FBXL2: variants seen among roughly 807,000 people sequenced by gnomAD.
The protein encoded by FBXL2 is F-box/LRR-repeat protein 2.
In FBXL2, 38 loss-of-function variants were observed where a neutral mutation model predicts 69.2. The ratio of observed to expected loss-of-function variants is 0.55; its 90% CI spans 0.42 to 0.72. The LOEUF is 0.72. Among genes scored for constraint, FBXL2 ranks in the 30% least tolerant of loss-of-function variants. The pLI is 0.00. For synonymous variants in FBXL2, 192 were observed against 201.3 expected (o/e 0.95, Z 0.39); for missense variants, 354 against 520.3 (o/e 0.68, Z 3.11).
At chr3:33,323,371 T>C (rs2038395583) in intron 2 of FBXL2, among the ~76,000 whole-genome samples, 1 of 152,194 alleles carries the variant, frequency 6.6e-6, no homozygotes, top group Non-Finnish European at 1.5e-5. Flanking sequence ...GCAGGTTTGT[T>C]ACATAGGTAT....
intron 2 of FBXL2, among the ~76,000 whole-genome samples, chr3:33,338,084 CT>C (rs906585963): frequency 7.2e-5 from 11 of 151,892 alleles, no homozygotes; most frequent in African/African-American, 2.2e-4. Context: ...ATGCTAATGC[CT>C]TTTTTTTCAC....
intron 12 of FBXL2, among the ~76,000 whole-genome samples, chr3:33,399,450 C>A (rs1450557867): frequency 2.6e-5 from 4 of 152,080 alleles, no homozygotes; most frequent in Non-Finnish European, 4.4e-5. Context: ...TAATTGAGTA[C>A]ACTCAGACTA....
At position 33,341,882 on chromosome 3, in the gene FBXL2, G is replaced by T. The variant is rs568164090; in HGVS notation, c.66-17085G>T. ...GACAGGTGAAGGCTCTGGGGCTCTG[G>T]GGTTGCTGACAAAGTTCTATTTCTT... On this transcript the variant is annotated intron_variant, in intron 2 of 14. Transcript: ENST00000484457. Among the ~76,000 whole-genome samples the T allele has an allele frequency of 2.6e-5, 4 of 151,232 alleles. No individual in the cohort carries two copies. In the South Asian group the frequency reaches 8.4e-4, roughly 32 times the overall value.
chr3:33,415,623 A>G, the FBXL2 span, among the ~76,000 whole-genome samples: 2 of 152,166 alleles, frequency 1.3e-5, no homozygotes, highest in Non-Finnish European at 2.9e-5. Context: ...TAAAAAGTTA[A>G]AAAAATTGTT....
chr3:33,338,103 G>GA (rs1264647605), intron 2 of FBXL2, among the ~76,000 whole-genome samples: 1 of 151,832 alleles, frequency 6.6e-6, no homozygotes, highest in Non-Finnish European at 1.5e-5. Flanking sequence ...CACAGAATTA[G>GA]AAAAAAATAT....
At chr3:33,320,381 CA>C (rs982439302) in intron 2 of FBXL2, among the ~76,000 whole-genome samples, 22 of 148,760 alleles carry the variant, frequency 1.5e-4, no homozygotes, top group Admixed American at 9.3e-4. Flanking sequence ...CTCACACATA[CA>C]AAAAAAATCA....
the FBXL2 span, among the ~76,000 whole-genome samples, chr3:33,420,859 A>G: frequency 1.1e-4 from 17 of 152,246 alleles, no homozygotes; most frequent in South Asian, 3.5e-3. Flanking sequence ...CCAACCTCAG[A>G]TGATCCACCC....
At chr3:33,297,984 A>T (rs1306317697) in intron 2 of FBXL2, 1 of 469,790 alleles carries the variant, frequency 2.1e-6, no homozygotes, top group Non-Finnish European at 3.9e-6. Flanking sequence ...AATAATCTTC[A>T]GTAGGTGCCA....
intron 12 of FBXL2, among the ~76,000 whole-genome samples, chr3:33,401,867 T>G (rs2044241004): frequency 6.6e-6 from 1 of 152,202 alleles, no homozygotes; most frequent in South Asian, 2.1e-4. Flanking sequence ...ACTAGGAAAC[T>G]ATTCTAAGCC....
chr3:33,348,656 T>C (rs1476902768), intron 2 of FBXL2, among the ~76,000 whole-genome samples: 1 of 152,144 alleles, frequency 6.6e-6, no homozygotes, highest in Non-Finnish European at 1.5e-5. Context: ...GACAGAAGTT[T>C]CAGTGAACTG....
At chr3:33,413,184 T>C in the FBXL2 span, among the ~76,000 whole-genome samples, 5 of 152,228 alleles carry the variant, frequency 3.3e-5, no homozygotes, top group African/African-American at 9.6e-5. Flanking sequence ...TTATTAAAAA[T>C]GAAAAGATGG....
chr3:33,332,290 T>C (rs531761381), intron 2 of FBXL2, among the ~76,000 whole-genome samples: 1 of 152,360 alleles, frequency 6.6e-6, no homozygotes, highest in South Asian at 2.1e-4. Flanking sequence ...TAGAATTCTT[T>C]ACTTTGCTAA....
intron 1 of FBXL2, among the ~76,000 whole-genome samples, chr3:33,282,055 A>G (rs1051283912): frequency 1.3e-5 from 2 of 151,962 alleles, no homozygotes; most frequent in Non-Finnish European, 2.9e-5. Flanking sequence ...GTTTAATTAG[A>G]TCCCATTTGT....
the FBXL2 span, chr3:33,409,516 T>C: frequency 6.2e-7 from 1 of 1,614,194 alleles, no homozygotes; most frequent in Non-Finnish European, 8.5e-7. Flanking sequence ...TTCATTCTGC[T>C]TAAAGGTGTC....
At chr3:33,411,336 T>A in the FBXL2 span, among the ~76,000 whole-genome samples, 6 of 152,182 alleles carry the variant, frequency 3.9e-5, no homozygotes, top group African/African-American at 1.4e-4. Context: ...ACATTTTCAT[T>A]ATTGGGACTA....
chr3:33,394,191 TTTATTA>T (rs148929407), intron 12 of FBXL2, among the ~76,000 whole-genome samples: 12,350 of 143,346 alleles, frequency 0.086, 1,693 homozygotes, highest in African/African-American at 0.29. Flanking sequence ...CTGGCTAATT[TTTATTA>T]TTATTATTAT....
At chr3:33,373,211 G>A in intron 6 of FBXL2, 49 bp from the exon 7 acceptor site, 1 of 1,610,462 alleles carries the variant, frequency 6.2e-7, no homozygotes, top group Non-Finnish European at 8.5e-7. Context: ...GAGAGAGAAG[G>A]GAGAGAAACG....
chr3:33,351,912 G>A (rs2154037631), intron 2 of FBXL2, among the ~76,000 whole-genome samples: 1 of 150,970 alleles, frequency 6.6e-6, no homozygotes, highest in South Asian at 2.1e-4. Context: ...GATCACTTGA[G>A]GCCAGGAGTT....
intron 12 of FBXL2, chr3:33,400,198 T>G (rs1183768688): frequency 1.3e-6 from 2 of 1,587,660 alleles, no homozygotes; most frequent in African/African-American, 1.4e-5. Flanking sequence ...CCTGAAAAAT[T>G]AGAGAACAGT....
Sources: gnomAD v4.1 joint callset for allele counts (sites outside exome capture counted in the v4.1 genomes callset) on GRCh38, gnomAD v4.1.1 for gene constraint, MANE v1.5 for transcripts, NCBI Gene and HGNC (gene_info 2026-07-23, HGNC 2026-07-21) for gene names.